The following RHNO1 variants were observed in gnomAD, a reference collection of about 807,000 sequenced individuals.
RHNO1 encodes the protein RAD9, HUS1, RAD1-interacting nuclear orphan protein 1.
Under a neutral mutation model 7.2 loss-of-function variants are expected in RHNO1, and 9 were observed. The observed-to-expected ratio is 1.25, with a 90% CI of 0.75 to 2.18. The LOEUF (loss-of-function observed/expected upper bound fraction) is 2.18, where lower values mean the gene tolerates loss of function less well. Among genes scored for constraint, RHNO1 ranks in the 30% most tolerant of loss-of-function variants. The pLI, the probability that RHNO1 is intolerant of heterozygous loss-of-function variation, is 0.00. For missense variants in RHNO1, 292 were observed against 284.5 expected (o/e 1.03, Z -0.19); for synonymous variants, 95 against 107.5 (o/e 0.88, Z 0.72).
chr12:2,882,796 A>G (rs1319739916), intron 1 of RHNO1, among the ~76,000 whole-genome samples: 1 of 152,116 alleles, frequency 6.6e-6, no homozygotes. Flanking sequence ...TATCTAAAGA[A>G]CTGCTAGTAA....
intron 1 of RHNO1, among the ~76,000 whole-genome samples, chr12:2,879,428 G>C (rs2098154468): frequency 6.6e-6 from 1 of 151,944 alleles, no homozygotes; most frequent in Admixed American, 6.6e-5. Context: ...CACCTCCTGG[G>C]CTCAAGTGAT....
rs28990683 is a variant in RHNO1, at chr12:2,877,509, C to G, written c.-85+227C>G. ...GGCTCCTCTGCTCCCCTTTTCAAAG[C>G]TCGGCTTTAGTTGATTTCCTCACTG... On this transcript the variant is annotated intron_variant, in intron 1 of 2. Transcript: ENST00000489288. Among the ~76,000 whole-genome samples the G allele has an allele frequency of 0.035, 5,381 of 152,300 alleles. 311 individuals carry two copies. The highest frequency in any genetic ancestry group is 0.12 in the African/African-American group (5,009 of 41,550).
At chr12:2,876,496 G>A (rs1565482391), upstream of RHNO1, 1 of 152,278 alleles carries the variant, frequency 6.6e-6, no homozygotes, top group African/African-American at 2.4e-5. Context: ...CAAGAACCAG[G>A]AAAAGGGCCC....
At chr12:2,878,496 CCG>C (rs780331209) in intron 1 of RHNO1, among the ~76,000 whole-genome samples, 17 of 152,040 alleles carry the variant, frequency 1.1e-4, no homozygotes, top group Admixed American at 3.9e-4. Context: ...CTTAGCCATA[CCG>C]AGAAGTTTTG....
At chr12:2,882,415 G>A (rs1020637505) in intron 1 of RHNO1, among the ~76,000 whole-genome samples, 3 of 151,140 alleles carry the variant, frequency 2.0e-5, no homozygotes, top group African/African-American at 7.3e-5. Flanking sequence ...GGCTACCAGA[G>A]GGGCCAGGCA....
chr12:2,878,489 A>C (rs1392262658), intron 1 of RHNO1, among the ~76,000 whole-genome samples: 1 of 152,064 alleles, frequency 6.6e-6, no homozygotes, highest in Admixed American at 6.6e-5. Context: ...GCAGAGCCTT[A>C]GCCATACCGA....
intron 1 of RHNO1, among the ~76,000 whole-genome samples, chr12:2,881,285 T>C (rs2098157228): frequency 6.6e-6 from 1 of 151,824 alleles, no homozygotes; most frequent in South Asian, 2.1e-4. Context: ...GTATTTTTAG[T>C]AGAGATGGGG....
rs1225787909 is a variant in RHNO1, at chr12:2,889,053, T to TA, written c.*596dup. The TA allele has an allele frequency of 1.3e-5, 2 of 152,216 alleles. No homozygotes were observed. The highest frequency in any genetic ancestry group is 4.8e-5 in the African/African-American group (2 of 41,454). The allele number at this position is 152,216 out of a possible 1,614,324, so 9.4% of individuals were successfully genotyped here. Reference sequence around the variant, plus strand: ...TCCTTAACCACTACTCATTAATCCTTAATCACCTCATTCAAACTAATTCAT... The same window carrying TA: ...TCCTTAACCACTACTCATTAATCCTTAAATCACCTCATTCAAACTAATTCAT... On this transcript the variant is annotated 3_prime_UTR_variant, in exon 3 of 3. Coordinates refer to ENST00000489288, the MANE Select transcript of RHNO1 (RefSeq NM_001252499.3).
Position 2,885,337 on chromosome 12 carries a change from GGTTACTAACT to G in RHNO1, c.-26_-17del, listed in dbSNP as rs769900816. 1.2e-6 allele frequency: 2 copies of G among 1,602,400 alleles called. No individual in the cohort carries two copies. The highest frequency in any genetic ancestry group is 1.7e-6 in the Non-Finnish European group (2 of 1,173,944). ...AACCCGAAGGCTAACAGCATCATGT[GGTTACTAACT>G]GTTCCTCATTCACCGGTTGATGCCT... On this transcript the variant is annotated 5_prime_UTR_variant, in exon 2 of 3. Transcript: ENST00000489288.
chr12:2,877,621 T>C (rs2098149078), intron 1 of RHNO1, among the ~76,000 whole-genome samples: 1 of 152,110 alleles, frequency 6.6e-6, no homozygotes, highest in South Asian at 2.1e-4. Flanking sequence ...GCGTATTATC[T>C]CCGCTTTCTT....
rs868717991 is a variant in RHNO1 at position 2,882,010 on chromosome 12, G to C, written c.-84-3273G>C. Among the ~76,000 whole-genome samples the C allele has an allele frequency of 5.3e-5, 8 of 150,828 alleles. No individual in the cohort carries two copies. In the South Asian group the frequency reaches 6.2e-4, roughly 12 times the overall value. Reference sequence around the variant, plus strand: ...TCAAAGCATATTATTTTTTGTTGTTGATTGAATGGATCACAAATGCATAGA... The same window carrying C: ...TCAAAGCATATTATTTTTTGTTGTTCATTGAATGGATCACAAATGCATAGA... On this transcript the variant is annotated intron_variant, in intron 1 of 2. Coordinates refer to ENST00000489288, the MANE Select transcript of RHNO1 (RefSeq NM_001252499.3).
At chr12:2,884,344 A>T (rs1426594154) in intron 1 of RHNO1, among the ~76,000 whole-genome samples, 5 of 152,120 alleles carry the variant, frequency 3.3e-5, no homozygotes, top group African/African-American at 1.2e-4. Context: ...AGTGATCCTC[A>T]GCCTCCTGAG....
rs1250533016 is a variant in RHNO1, at chr12:2,885,164, A to G, written c.-84-119A>G. 4 of 536,426 alleles carry G rather than the reference A, an allele frequency of 7.5e-6. No individual in the cohort carries two copies. The East Asian group carries it at 1.2e-4, about 17-fold the overall frequency. 33.2% of individuals were successfully genotyped at this position (536,426 alleles called of 1,614,324 possible). ...TGTGTTTTGCTTGGTGGTTGTAGGT[A>G]TAGGAGGCTGTGCTCCCCAAAGCCT... On this transcript the variant is annotated intron_variant, in intron 1 of 2. Coordinates refer to ENST00000489288, the MANE Select transcript of RHNO1 (RefSeq NM_001252499.3).
Position 2,887,836 on chromosome 12 carries a change from C to T in RHNO1, c.169-75C>T, listed in dbSNP as rs2098167367. The T allele has an allele frequency of 2.5e-6, 3 of 1,209,290 alleles. No homozygotes were observed. In the South Asian group the frequency reaches 4.9e-5, roughly 20 times the overall value. 74.9% of individuals were successfully genotyped at this position (1,209,290 alleles called of 1,614,324 possible). A position where few individuals can be genotyped will look rare whatever the true frequency, so the allele number is the denominator to read the frequency against. On this transcript the variant is annotated intron_variant, in intron 2 of 2. Coordinates refer to ENST00000489288, the MANE Select transcript of RHNO1 (RefSeq NM_001252499.3). Reference sequence around the variant, plus strand: ...CTACAGTAGACCCCGATTTAAGAGTCTGGTCATCAGATACAGTTTCCTCTC... The same window carrying T: ...CTACAGTAGACCCCGATTTAAGAGTTTGGTCATCAGATACAGTTTCCTCTC...
intron 1 of RHNO1, among the ~76,000 whole-genome samples, chr12:2,880,781 A>G (rs946907873): frequency 1.3e-5 from 2 of 151,956 alleles, no homozygotes; most frequent in Non-Finnish European, 2.9e-5. Flanking sequence ...CTACAGGTAC[A>G]TGCCAACATG....
rs554835054 is a variant in RHNO1 at position 2,889,188 on chromosome 12, A to G, written c.*729A>G. 5 of 152,310 alleles carry G rather than the reference A, an allele frequency of 3.3e-5. No individual in the cohort carries two copies. Among genetic ancestry groups the G allele is most frequent in the Admixed American group, 6.5e-5 (1 of 15,278 alleles). 9.4% of individuals were successfully genotyped at this position (152,310 alleles called of 1,614,324 possible). On this transcript the variant is annotated 3_prime_UTR_variant, in exon 3 of 3. Transcript: ENST00000489288. ...TCTATGGTTGACTGCCACCTCTGCAACCTTGACTCATCTGCTGAAAAGGCA... is the reference window on the plus strand; with the variant it reads ...TCTATGGTTGACTGCCACCTCTGCAGCCTTGACTCATCTGCTGAAAAGGCA...
chr12:2,888,113 C>G lies in RHNO1; in HGVS notation c.371C>G (p.Ser124Cys), dbSNP rs1356974071. 2 of 1,613,920 alleles carry G rather than the reference C, an allele frequency of 1.2e-6. No homozygotes were observed. The highest frequency in any genetic ancestry group is 4.5e-5 in the East Asian group (2 of 44,874). The change falls in exon 3 of 3, where the codon TCC (serine) becomes TGC (cysteine). Residue 124 changes from serine (S) to cysteine (C), a missense_variant. Coordinates refer to ENST00000489288, the MANE Select transcript of RHNO1 (RefSeq NM_001252499.3). ...CCCAGTGAATCAGAAAAGGATGTTT[C>G]CAGAAGACCCTTAGTTCCAGTGCTC... ...ECPSESEKDV[S>C]RRPLVPVLSP...
intron 1 of RHNO1, among the ~76,000 whole-genome samples, chr12:2,883,511 A>ATATATATATATTTTTTT: frequency 3.7e-5 from 1 of 26,826 alleles, no homozygotes; most frequent in South Asian, 1.6e-3. Context: ...ATATATATAT[A>ATATATATATATTTTTTT]TTTTTTTTTT....
chr12:2,885,654 A>G, intron 2 of RHNO1, 120 bp downstream of exon 2: 1 of 848,406 alleles, frequency 1.2e-6, no homozygotes, highest in South Asian at 2.0e-5. Context: ...GGCTCACTGC[A>G]AGCTCCGCCT....
Sources: allele counts gnomAD v4.1 joint callset (sites outside exome capture counted in the v4.1 genomes callset), GRCh38; gene constraint gnomAD v4.1.1; transcripts MANE v1.5; gene names NCBI Gene and HGNC (gene_info 2026-07-23, HGNC 2026-07-21).